Variants in SLC38A6 observed in about 807,000 individuals in gnomAD.
SLC38A6 encodes solute carrier family 38 member 6, also known as N system amino acid transporter NAT-1.
Under a neutral mutation model 65.0 loss-of-function variants are expected in SLC38A6, and 73 were observed. The ratio of observed to expected loss-of-function variants is 1.12; its 90% confidence interval spans 0.93 to 1.37. The LOEUF (loss-of-function observed/expected upper bound fraction) is 1.37. SLC38A6 is among the 40% of genes most tolerant of loss of function. SLC38A6 has a pLI of 0.00. For synonymous variants in SLC38A6, 183 were observed against 178.8 expected, an observed-to-expected ratio of 1.02 and a Z score of -0.19; for missense variants, 561 against 531.1, an observed-to-expected ratio of 1.06 and a Z score of -0.55.
chr14:61,021,463 C>G (rs2040341628), intron 5 of SLC38A6, among the ~76,000 whole-genome samples: 2 of 152,126 alleles, frequency 1.3e-5, no homozygotes, highest in Non-Finnish European at 2.9e-5. Flanking sequence ...TGTAACTAAG[C>G]TGTGTGATAA....
intron 16 of SLC38A6, among the ~76,000 whole-genome samples, chr14:61,083,258 G>A (rs2043727430): frequency 6.6e-6 from 1 of 152,302 alleles, no homozygotes; most frequent in African/African-American, 2.4e-5. Flanking sequence ...CCAGGCCACT[G>A]TGGGTAGACT....
chr14:61,002,052 A>G (rs2038748387), intron 3 of SLC38A6: 1 of 152,184 alleles, frequency 6.6e-6, no homozygotes, highest in African/African-American at 2.4e-5. Context: ...GTTGAAAACT[A>G]TTACCATTTA....
chr14:61,076,653 A>G (rs1280810920), intron 15 of SLC38A6, among the ~76,000 whole-genome samples: 1 of 152,376 alleles, frequency 6.6e-6, no homozygotes, highest in Non-Finnish European at 1.5e-5. Context: ...TACATAGTCA[A>G]TATTGACTGT....
intron 8 of SLC38A6, among the ~76,000 whole-genome samples, chr14:61,041,584 TGTTA>T (rs1034700402): frequency 2.0e-5 from 3 of 152,134 alleles, no homozygotes; most frequent in Non-Finnish European, 2.9e-5. Context: ...ACACTACCAC[TGTTA>T]GTTAGGGGAA....
At chr14:60,996,371 A>G (rs2038294663) in intron 3 of SLC38A6, among the ~76,000 whole-genome samples, 1 of 152,178 alleles carries the variant, frequency 6.6e-6, no homozygotes, top group East Asian at 1.9e-4. Flanking sequence ...TCAGAAAACC[A>G]AAAGTCCTAG....
chr14:61,006,431 T>G (rs970180992), intron 3 of SLC38A6, among the ~76,000 whole-genome samples: 9 of 152,346 alleles, frequency 5.9e-5, no homozygotes, highest in Admixed American at 3.9e-4. Context: ...CCTACTCATC[T>G]GACAAAGGGC....
chr14:61,006,131 A>G (rs1262778944), intron 3 of SLC38A6, among the ~76,000 whole-genome samples: 1 of 152,202 alleles, frequency 6.6e-6, no homozygotes, highest in Non-Finnish European at 1.5e-5. Context: ...CCATATGTAG[A>G]AAGCTGAAAC....
At chr14:61,029,155 CTTTTTTT>C (rs111427405) in intron 5 of SLC38A6, among the ~76,000 whole-genome samples, 1 of 130,344 alleles carries the variant, frequency 7.7e-6, no homozygotes, top group African/African-American at 2.8e-5. Context: ...ACTCTTTATT[CTTTTTTT>C]TTTTTTTTTT....
In SLC38A6 at chr14:60,982,546, T is replaced by A. The variant is rs577684125; in HGVS notation, c.144T>A (p.Gly48=). 5.6e-6 allele frequency: 9 copies of A among 1,613,996 alleles called. No individual in the cohort carries two copies. In the African/African-American group the frequency reaches 1.2e-4, roughly 22 times the overall value. The change falls in exon 2 of 16, where the codon GGT becomes GGA. Residue 48 remains glycine (G), a synonymous_variant. Coordinates refer to ENST00000267488, the MANE Select transcript of SLC38A6 (RefSeq NM_153811.3). ...HRQRSPGVSF[G]LSVFNLMNAI... is the part of the protein sequence containing the mutation. Reference sequence around the variant, plus strand: ...AGCGATCCCCAGGTGTTTCATTTGGTTTATCAGTGTTTAATTTGATGAATG... The same window carrying A: ...AGCGATCCCCAGGTGTTTCATTTGGATTATCAGTGTTTAATTTGATGAATG...
At chr14:60,990,691 G>C (rs2037807387) in intron 3 of SLC38A6, among the ~76,000 whole-genome samples, 1 of 151,886 alleles carries the variant, frequency 6.6e-6, no homozygotes, top group South Asian at 2.1e-4. Flanking sequence ...GGAATGTAGT[G>C]GCGTGAACAT....
chr14:61,020,562 G>A (rs893257037), intron 5 of SLC38A6, among the ~76,000 whole-genome samples: 9 of 151,994 alleles, frequency 5.9e-5, no homozygotes, highest in African/African-American at 2.2e-4. Context: ...TGCTGCCATT[G>A]TTTTAGAATC....
chr14:60,984,092 A>C (rs1217692013), intron 2 of SLC38A6, among the ~76,000 whole-genome samples: 5 of 152,372 alleles, frequency 3.3e-5, no homozygotes, highest in Non-Finnish European at 4.4e-5. Flanking sequence ...ATAGGAAATT[A>C]TCTAAGTTTT....
intron 11 of SLC38A6, among the ~76,000 whole-genome samples, 186 bp from the exon 12 acceptor site, chr14:61,045,881 G>A (rs2042113020): frequency 6.7e-6 from 1 of 150,124 alleles, no homozygotes; most frequent in Non-Finnish European, 1.5e-5. Context: ...GCAAGACTCT[G>A]TCTCAAAAAA....
At position 61,073,880 on chromosome 14, in the gene SLC38A6, GCCT is replaced by G. The variant is rs1218272839; in HGVS notation, c.1291-4925_1291-4923del. On this transcript the variant is annotated intron_variant, in intron 15 of 16. Coordinates refer to the SLC38A6 transcript ENST00000354886. ...CAACCCCTCCCCTGCCTTCTTCTCA[GCCT>G]CCTCAACATGAAGACAATGAGAATG... is the stretch of plus-strand genomic sequence containing the variant. 4 of 151,486 alleles carry G rather than the reference GCCT, an allele frequency of 2.6e-5. No homozygotes were observed. In the East Asian group the frequency reaches 7.8e-4, roughly 29 times the overall value. The allele number at this position is 151,486 out of a possible 1,614,324, so 9.4% of individuals were successfully genotyped here.
At chr14:60,986,106 A>G (rs930658848) in intron 3 of SLC38A6, among the ~76,000 whole-genome samples, 1 of 152,214 alleles carries the variant, frequency 6.6e-6, no homozygotes, top group African/African-American at 2.4e-5. Flanking sequence ...AAACCAAACT[A>G]TATCAGTGAG....
chr14:60,989,677 T>C (rs1316264987), intron 3 of SLC38A6, among the ~76,000 whole-genome samples: 1 of 152,158 alleles, frequency 6.6e-6, no homozygotes, highest in Non-Finnish European at 1.5e-5. Context: ...TGAGCTGAGA[T>C]CATGCTGTTG....
chr14:61,061,995 G>T (rs544147085), intron 15 of SLC38A6, among the ~76,000 whole-genome samples: 1 of 152,020 alleles, frequency 6.6e-6, no homozygotes, highest in South Asian at 2.1e-4. Context: ...CCACCACTAC[G>T]CCTGGCTAAT....
At chr14:61,007,001 T>G (rs192991766) in intron 3 of SLC38A6, among the ~76,000 whole-genome samples, 278 of 152,202 alleles carry the variant, frequency 1.8e-3, no homozygotes, top group African/African-American at 6.4e-3. Context: ...CCATAAAAAA[T>G]GATGAGTTCA....
At chr14:61,016,478 A>G (rs2040018824) in intron 4 of SLC38A6, among the ~76,000 whole-genome samples, 1 of 152,204 alleles carries the variant, frequency 6.6e-6, no homozygotes, top group African/African-American at 2.4e-5. Flanking sequence ...CAACTATTAT[A>G]TAAAGCCAGT....
Sources: gnomAD v4.1 joint callset for allele counts (sites outside exome capture counted in the v4.1 genomes callset) on GRCh38, gnomAD v4.1.1 for gene constraint, MANE v1.5 for transcripts, NCBI Gene and HGNC (gene_info 2026-07-23, HGNC 2026-07-21) for gene names.